Variants in A2ML1 observed in about 807,000 individuals in gnomAD.
A2ML1 encodes alpha-2-macroglobulin-like protein 1.
Under a neutral mutation model 181.9 loss-of-function variants are expected in A2ML1, and 161 were observed. The observed-to-expected ratio is 0.89, with a 90% CI of 0.78 to 1.01. The LOEUF (loss-of-function observed/expected upper bound fraction) is 1.01. Ranked by LOEUF, A2ML1 falls within the 50% of genes least tolerant of loss-of-function variation. The pLI, the probability that A2ML1 is intolerant of heterozygous loss-of-function variation, is 0.00. For missense variants in A2ML1, 1,670 were observed against 1,768.1 expected, an observed-to-expected ratio of 0.94 and a Z score of 1.00; for synonymous variants, 663 against 666.8, an observed-to-expected ratio of 0.99 and a Z score of 0.09.
rs141137101 is a variant in A2ML1 at position 8,849,801 on chromosome 12, C to T, written c.2119+42C>T. 7.2e-4 allele frequency: 1,141 copies of T among 1,576,414 alleles called. 1 individual carries two copies. Among genetic ancestry groups the T allele is most frequent in the Non-Finnish European group, 9.2e-4 (1,050 of 1,146,244 alleles). On this transcript the variant is annotated intron_variant, in intron 17 of 35. Coordinates refer to ENST00000299698, the MANE Select transcript of A2ML1 (RefSeq NM_144670.6). ...GTCTGTGGATTCTCTGAGATGTTAACAGTCCTGGAACTCTGCAGATTTCCT... is the reference window on the plus strand; with the variant it reads ...GTCTGTGGATTCTCTGAGATGTTAATAGTCCTGGAACTCTGCAGATTTCCT...
intron 7 of A2ML1, among the ~76,000 whole-genome samples, chr12:8,881,889 T>G (rs1415595984): frequency 6.6e-6 from 1 of 151,942 alleles, no homozygotes; most frequent in Admixed American, 6.6e-5. Flanking sequence ...TGGGTGCCTG[T>G]AGTCCCAGCT....
At position 8,852,001 on chromosome 12, in the gene A2ML1, G is replaced by A; in HGVS notation, c.2452G>A (p.Asp818Asn). Residue 818 changes from aspartate to asparagine, a missense_variant, in exon 19 of 36, where the codon GAT (aspartate) becomes AAT (asparagine). Asp to Asn is a conservative substitution (Grantham distance 23). Coordinates refer to ENST00000299698, the MANE Select transcript of A2ML1 (RefSeq NM_144670.6). This position sits in a 1 kb window ranked among gnomAD's most constrained non-coding sequence, Gnocchi z 4.2. ...LTATIFNYLK[D>N]CIRVQTDLAK... ...TGCCACCATCTTCAATTACCTAAAG[G>A]ATTGCATCAGGGTGAGAGCTGGGGA... 1.9e-6 allele frequency: 3 copies of A among 1,614,044 alleles called. No individual in the cohort carries two copies. Among genetic ancestry groups the A allele is most frequent in the Non-Finnish European group, 2.5e-6 (3 of 1,179,942 alleles).
intron 3 of A2ML1, 54 bp downstream of exon 3, chr12:8,823,936 A>G: frequency 6.5e-7 from 1 of 1,531,132 alleles, no homozygotes; most frequent in South Asian, 1.3e-5. Flanking sequence ...CGCTGTGCAC[A>G]GGGGTAAAGA....
rs746366524 is a variant in A2ML1, at chr12:8,869,186, A to G, written c.4204A>G (p.Asn1402Asp). Residue 1402 changes from asparagine to aspartate, a missense_variant, in exon 33 of 36, where the codon AAC (asparagine) becomes GAC (aspartate). By Grantham distance (23) the Asn-to-Asp change is conservative. Coordinates refer to ENST00000299698, the MANE Select transcript of A2ML1 (RefSeq NM_144670.6). ...KKVEFGTDTL[N>D]IYLDELIKNT... ...GGTTGAATTTGGAACTGACACACTT[A>G]ACATTTACTTGGATGAGGTAGGTAT... 4 of 1,614,034 alleles carry G rather than the reference A, an allele frequency of 2.5e-6. No homozygotes were observed. In the East Asian group the frequency reaches 6.7e-5, roughly 27 times the overall value.
At chr12:8,842,431 G>A (rs983008480) in intron 11 of A2ML1, among the ~76,000 whole-genome samples, 1 of 152,082 alleles carries the variant, frequency 6.6e-6, no homozygotes, top group Non-Finnish European at 1.5e-5. Flanking sequence ...GTGTTAGCCA[G>A]GATGGTCTCG....
In A2ML1 at chr12:8,864,151, TA is replaced by T; in HGVS notation, c.3717+147del. On this transcript the variant is annotated intron_variant, in intron 29 of 35. Transcript: ENST00000299698. ...TGTGAACAATATATGGAAGTATTCATAAAATGGGTTATAAGAGCACATTAAT... is the reference window on the plus strand; with the variant it reads ...TGTGAACAATATATGGAAGTATTCATAAATGGGTTATAAGAGCACATTAAT... The T allele has an allele frequency of 4.3e-6, 3 of 703,932 alleles. No homozygotes were observed. The South Asian group carries it at 6.1e-5, about 14-fold the overall frequency. 43.6% of individuals were successfully genotyped at this position (703,932 alleles called of 1,614,324 possible). A position where few individuals can be genotyped will look rare whatever the true frequency, so the allele number is the denominator to read the frequency against.
chr12:8,881,424 A>G (rs1944868939), downstream of A2ML1, among the ~76,000 whole-genome samples: 1 of 152,232 alleles, frequency 6.6e-6, no homozygotes, highest in Non-Finnish European at 1.5e-5. Context: ...TGACCATTTT[A>G]GTAAGATTTG....
chr12:8,868,400 C>A, intron 31 of A2ML1, 43 bp downstream of exon 31: 3 of 1,607,434 alleles, frequency 1.9e-6, no homozygotes, highest in South Asian at 2.2e-5. Context: ...AGCACCTGGT[C>A]ATAGGAGCTG....
At position 8,823,335 on chromosome 12, in the gene A2ML1, G is replaced by T. The variant is rs747225412; in HGVS notation, c.216G>T (p.Lys72Asn). 6.2e-7 allele frequency: 1 copy of T among 1,614,002 alleles called. No individual in the cohort carries two copies. The highest frequency in any genetic ancestry group is 1.7e-5 in the Admixed American group (1 of 59,960). ...AGTTGCTAGAATACTCTGGACTGAA[G>T]AAGAGGCACTTACATTGTATCTCCT... is the stretch of plus-strand genomic sequence containing the variant. The part of the protein sequence containing the change: ...TQKLLEYSGL[K>N]KRHLHCISFL... Residue 72 changes from lysine (K) to asparagine (N), a missense_variant, in exon 2 of 36, where the codon AAG becomes AAT. By Grantham distance (94) the Lys-to-Asn change is moderately conservative (BLOSUM62 0). Transcript: ENST00000299698.
At chr12:8,856,475 TAATG>T (rs1311809365) in intron 23 of A2ML1, among the ~76,000 whole-genome samples, 3 of 152,206 alleles carry the variant, frequency 2.0e-5, no homozygotes, top group Non-Finnish European at 4.4e-5. Context: ...ATGCAGATGT[TAATG>T]AGTCACTTAT....
At chr12:8,829,591 G>T in intron 3 of A2ML1, 136 bp from the exon 4 acceptor site, 2 of 795,502 alleles carry the variant, frequency 2.5e-6, no homozygotes, top group African/African-American at 1.7e-5. Context: ...GGAGTTTGAG[G>T]CTGAAGTGAG....
At chr12:8,851,706 G>A (rs987103467) in intron 18 of A2ML1, 78 bp from the exon 19 acceptor site, 23 of 1,402,894 alleles carry the variant, frequency 1.6e-5, no homozygotes, top group Admixed American at 9.6e-5. Flanking sequence ...ACACCCCACC[G>A]AATTTGTGGC....
At chr12:8,844,904 G>T in intron 12 of A2ML1, 1 of 1,051,486 alleles carries the variant, frequency 9.5e-7, no homozygotes, top group Non-Finnish European at 1.2e-6. Context: ...AGGAGCGTGG[G>T]ATGAGAGCCT....
At chr12:8,838,852 T>C (rs1943373741) in intron 9 of A2ML1, among the ~76,000 whole-genome samples, 2 of 149,494 alleles carry the variant, frequency 1.3e-5, no homozygotes, top group Admixed American at 6.7e-5. Context: ...GAGGTGGAGC[T>C]TGCAGTGAGC....
At chr12:8,824,221 G>GT (rs1565458978) in intron 3 of A2ML1, among the ~76,000 whole-genome samples, 9 of 136,380 alleles carry the variant, frequency 6.6e-5, no homozygotes, top group African/African-American at 2.3e-4. Context: ...GAGCTACTGG[G>GT]GTTTTTTTTT....
chr12:8,857,922 A>G (rs755577476), intron 25 of A2ML1, 24 bp from the exon 26 acceptor site: 11 of 1,610,300 alleles, frequency 6.8e-6, no homozygotes, highest in Middle Eastern at 1.7e-4. Flanking sequence ...TCTTCATGCC[A>G]TATTTTCCTC....
Position 8,823,365 on chromosome 12 carries a change from T to C in A2ML1, c.246T>C (p.Leu82=). The C allele has an allele frequency of 6.2e-7, 1 of 1,613,134 alleles. No homozygotes were observed. The highest frequency in any genetic ancestry group is 1.3e-5 in the African/African-American group (1 of 75,014). Residue 82 remains leucine (L), a splice_region_variant and synonymous_variant, in exon 2 of 36, where the codon CTT becomes CTC. Coordinates refer to ENST00000299698, the MANE Select transcript of A2ML1 (RefSeq NM_144670.6). ...GGCACTTACATTGTATCTCCTTTCT[T>C]GTAAGCACAGACTCAGCCCTCACTC... The part of the protein sequence containing the change: ...KKRHLHCISF[L]VPPPAGGTEE...
At chr12:8,841,272 A>G in intron 10 of A2ML1, 97 bp from the exon 11 acceptor site, 1 of 1,173,952 alleles carries the variant, frequency 8.5e-7, no homozygotes, top group Non-Finnish European at 1.2e-6. Context: ...AGTGCCAAAA[A>G]CCACAATTAG....
chr12:8,868,943 C>T (rs772306644), intron 32 of A2ML1, among the ~76,000 whole-genome samples, 192 bp from the exon 33 acceptor site: 3 of 152,106 alleles, frequency 2.0e-5, no homozygotes, highest in Non-Finnish European at 4.4e-5. Flanking sequence ...CACACAAACT[C>T]ATGATTGGAT....
Sources: allele counts gnomAD v4.1 joint callset (sites outside exome capture counted in the v4.1 genomes callset), GRCh38; gene constraint gnomAD v4.1.1; non-coding constraint Gnocchi (gnomAD v3.1); transcripts MANE v1.5; gene names NCBI Gene and HGNC (gene_info 2026-07-23, HGNC 2026-07-21).